The following GPC5 variants were observed in gnomAD, a reference collection of about 807,000 sequenced individuals.
GPC5 encodes glypican 5.
A neutral mutation model predicts 53.9 loss-of-function variants in GPC5; 47 were observed. The ratio of observed to expected loss-of-function variants is 0.87; its 90% CI spans 0.69 to 1.11. The LOEUF (loss-of-function observed/expected upper bound fraction) is 1.11, where lower values mean the gene tolerates loss of function less well. Among genes scored for constraint, GPC5 ranks in the 50% most tolerant of loss-of-function variants. The pLI is 0.00. For missense variants in GPC5, 748 were observed against 713.1 expected, an observed-to-expected ratio of 1.05 and a Z score of -0.56; for synonymous variants, 286 against 263.3, an observed-to-expected ratio of 1.09 and a Z score of -0.84.
At chr13:91,486,203 TTTCTC>T (rs1883599652) in intron 2 of GPC5, 2 of 152,220 alleles carry the variant, frequency 1.3e-5, no homozygotes, top group Admixed American at 6.5e-5. Flanking sequence ...TAATTTCTCT[TTTCTC>T]TTCTTGTTAG....
intron 2 of GPC5, among the ~76,000 whole-genome samples, chr13:91,570,405 G>A (rs1446966612): frequency 6.6e-6 from 1 of 152,122 alleles, no homozygotes; most frequent in African/African-American, 2.4e-5. Context: ...GATTTGAGAT[G>A]CTCAACTGGT....
chr13:92,182,778 AGAATG>A (rs1257186962), intron 7 of GPC5, among the ~76,000 whole-genome samples: 4 of 151,950 alleles, frequency 2.6e-5, no homozygotes, highest in Non-Finnish European at 5.9e-5. Context: ...CTGAGGCGGG[AGAATG>A]GCGTGAACCC....
intron 7 of GPC5, among the ~76,000 whole-genome samples, chr13:92,722,115 T>C (rs1434369233): frequency 1.3e-5 from 2 of 152,020 alleles, no homozygotes; most frequent in Non-Finnish European, 2.9e-5. Flanking sequence ...AATGCATTCT[T>C]CCAGGAAATT....
intron 6 of GPC5, among the ~76,000 whole-genome samples, chr13:91,985,318 T>A (rs2040396466): frequency 6.6e-6 from 1 of 152,072 alleles, no homozygotes; most frequent in African/African-American, 2.4e-5. Context: ...TCATTTACTT[T>A]TATGTGTCTT....
chr13:92,523,751 A>G (rs1881160144), intron 7 of GPC5, among the ~76,000 whole-genome samples: 1 of 152,120 alleles, frequency 6.6e-6, no homozygotes, highest in Non-Finnish European at 1.5e-5. Flanking sequence ...CTTACTCATT[A>G]TAGTCAACAA....
intron 7 of GPC5, among the ~76,000 whole-genome samples, chr13:92,217,889 C>T (rs1159459664): frequency 2.7e-5 from 4 of 148,434 alleles, no homozygotes; most frequent in South Asian, 4.3e-4. Context: ...CCAGCAATTC[C>T]ATGGCACTGG....
At chr13:91,522,185 C>T (rs1885853863) in intron 2 of GPC5, among the ~76,000 whole-genome samples, 1 of 152,166 alleles carries the variant, frequency 6.6e-6, no homozygotes, top group African/African-American at 2.4e-5. Flanking sequence ...TTTGGCCATT[C>T]ATGATCAACT....
chr13:91,835,717 T>A (rs1215944934), intron 5 of GPC5, among the ~76,000 whole-genome samples: 1 of 148,614 alleles, frequency 6.7e-6, no homozygotes, highest in African/African-American at 2.5e-5. Context: ...GGGAACATCA[T>A]ACATCAGGGC....
At chr13:92,400,941 T>G (rs1875528785) in intron 7 of GPC5, among the ~76,000 whole-genome samples, 1 of 152,028 alleles carries the variant, frequency 6.6e-6, no homozygotes. Flanking sequence ...TTTGCCCCCT[T>G]GGGACAGGGA....
rs59942668 is a variant in GPC5 at position 92,660,888 on chromosome 13, T to C, written c.1562-205394T>C. 8.6e-3 allele frequency among the ~76,000 whole-genome samples: 1,301 copies of C among 152,150 alleles called. 19 individuals carry two copies. Among genetic ancestry groups the C allele is most frequent in the African/African-American group, 0.03 (1,248 of 41,538 alleles). ...GGCTAATGGAACTAAAGAATTGAAT[T>C]TTTATTTTTTTAATTTATTTATAAT... On this transcript the variant is annotated intron_variant, in intron 7 of 7. Transcript: ENST00000377067.
chr13:92,217,560 A>G (rs1167537195), intron 7 of GPC5, among the ~76,000 whole-genome samples: 1 of 152,166 alleles, frequency 6.6e-6, no homozygotes, highest in Non-Finnish European at 1.5e-5. Context: ...ATCTGTGGCT[A>G]CAAATTCCCA....
intron 5 of GPC5, among the ~76,000 whole-genome samples, chr13:91,875,334 G>A (rs1299736142): frequency 1.3e-5 from 2 of 152,106 alleles, no homozygotes; most frequent in East Asian, 1.9e-4. Context: ...TTTAAAACAC[G>A]TTAGGTACTT....
intron 7 of GPC5, among the ~76,000 whole-genome samples, chr13:92,419,540 A>G (rs969479878): frequency 5.3e-5 from 8 of 152,204 alleles, no homozygotes; most frequent in South Asian, 2.1e-4. Flanking sequence ...TGAAGAGTGA[A>G]TTGAATACTG....
At chr13:92,682,223 C>T (rs1887132873) in intron 7 of GPC5, among the ~76,000 whole-genome samples, 1 of 152,162 alleles carries the variant, frequency 6.6e-6, no homozygotes, top group Non-Finnish European at 1.5e-5. Context: ...TAGCAAAAAG[C>T]TTCATCCCTT....
intron 2 of GPC5, among the ~76,000 whole-genome samples, chr13:91,467,725 T>G (rs1425944429): frequency 6.6e-6 from 1 of 152,224 alleles, no homozygotes; most frequent in Non-Finnish European, 1.5e-5. Flanking sequence ...TTATTTCACT[T>G]TTCTGATTTA....
chr13:91,716,890 T>C (rs994498416), intron 3 of GPC5, among the ~76,000 whole-genome samples: 7 of 152,224 alleles, frequency 4.6e-5, no homozygotes, highest in Non-Finnish European at 4.4e-5. Flanking sequence ...AGAACAAAAG[T>C]ATTAATTCAT....
chr13:91,611,050 C>A (rs990152364), intron 2 of GPC5, among the ~76,000 whole-genome samples: 1 of 152,018 alleles, frequency 6.6e-6, no homozygotes, highest in African/African-American at 2.4e-5. Context: ...GTCTGGATCC[C>A]ACTGGGTGGT....
intron 7 of GPC5, among the ~76,000 whole-genome samples, chr13:92,381,994 CTATCTATCTATA>C (rs2043752250): frequency 1.4e-5 from 2 of 147,242 alleles, no homozygotes; most frequent in Admixed American, 6.9e-5. Flanking sequence ...ATCTATCTAT[CTATCTATCTATA>C]TATCTATCTG....
At chr13:91,819,512 A>G (rs1406115053) in intron 5 of GPC5, among the ~76,000 whole-genome samples, 3 of 152,112 alleles carry the variant, frequency 2.0e-5, no homozygotes, top group South Asian at 2.1e-4. Flanking sequence ...CTATCATACT[A>G]TATAGATTAT....
Sources: gnomAD v4.1 joint callset for allele counts (sites outside exome capture counted in the v4.1 genomes callset) on GRCh38, gnomAD v4.1.1 for gene constraint, MANE v1.5 for transcripts, NCBI Gene and HGNC (gene_info 2026-07-23, HGNC 2026-07-21) for gene names.